DPP6: variants seen among roughly 807,000 people sequenced by gnomAD.
DPP6 encodes the protein dipeptidyl peptidase like 6.
Under a neutral mutation model 122.6 loss-of-function variants are expected in DPP6, and 69 were observed. The ratio of observed to expected loss-of-function variants is 0.56; its 90% confidence interval spans 0.46 to 0.69. DPP6 has a LOEUF of 0.69. Among genes scored for constraint, DPP6 ranks in the 30% least tolerant of loss-of-function variants. The pLI, the probability that DPP6 is intolerant of heterozygous loss-of-function variation, is 0.00. For missense variants in DPP6, 928 were observed against 1,116.9 expected, an observed-to-expected ratio of 0.83 and a Z score of 2.41; for synonymous variants, 418 against 433.1, an observed-to-expected ratio of 0.97 and a Z score of 0.43.
At chr7:154,623,542 A>G (rs9642626) in intron 5 of DPP6, among the ~76,000 whole-genome samples, 1 of 151,642 alleles carries the variant, frequency 6.6e-6, no homozygotes, top group African/African-American at 2.4e-5. Context: ...TTACAAACAC[A>G]CACACACGCA....
At chr7:153,825,089 C>T in the DPP6 span, among the ~76,000 whole-genome samples, 7 of 152,074 alleles carry the variant, frequency 4.6e-5, no homozygotes, top group African/African-American at 1.7e-4. Context: ...TGTGACACCC[C>T]ATCTGTTTCT....
chr7:154,289,884 A>G (rs186416646), intron 1 of DPP6, among the ~76,000 whole-genome samples: 31 of 152,304 alleles, frequency 2.0e-4, no homozygotes, highest in Admixed American at 2.0e-3. Context: ...GTCTCATCCC[A>G]TGAGCCAGGG....
chr7:154,267,731 ATG>A (rs1418701838), intron 1 of DPP6, among the ~76,000 whole-genome samples: 15 of 105,668 alleles, frequency 1.4e-4, no homozygotes, highest in Admixed American at 2.1e-4. Context: ...ATACATATAT[ATG>A]TGTGTGTATA....
intron 1 of DPP6, among the ~76,000 whole-genome samples, chr7:154,263,003 T>C (rs1032217744): frequency 6.6e-6 from 1 of 152,188 alleles, no homozygotes; most frequent in Admixed American, 6.5e-5. Context: ...AAAGGAAATA[T>C]AGCTAGGAAT....
chr7:154,883,639 C>G (rs1204650867), intron 21 of DPP6: 1 of 147,796 alleles, frequency 6.8e-6, no homozygotes, highest in African/African-American at 2.5e-5. Context: ...CACACATGCT[C>G]ATACACGTTT....
At chr7:154,589,213 G>A (rs2130719342) in intron 5 of DPP6, among the ~76,000 whole-genome samples, 1 of 152,244 alleles carries the variant, frequency 6.6e-6, no homozygotes, top group East Asian at 1.9e-4. Context: ...TTTTTCATGT[G>A]CTGATTTTAA....
At chr7:154,665,318 G>T (rs58938818) in intron 6 of DPP6, among the ~76,000 whole-genome samples, 4,885 of 152,154 alleles carry the variant, frequency 0.032, 253 homozygotes, top group African/African-American at 0.11. Flanking sequence ...TAAATTTGAT[G>T]ATTTGATTTA....
chr7:154,752,374 G>A (rs550516763), intron 8 of DPP6, among the ~76,000 whole-genome samples: 286 of 152,260 alleles, frequency 1.9e-3, no homozygotes, highest in African/African-American at 6.2e-3. Context: ...AGGACCATGG[G>A]CTGTGACTGG....
chr7:153,890,048 TC>T (rs1343404034), intron 1 of DPP6, among the ~76,000 whole-genome samples: 1 of 152,232 alleles, frequency 6.6e-6, no homozygotes, highest in Non-Finnish European at 1.5e-5. Flanking sequence ...ACTGGCAAAT[TC>T]TTTGCACTCA....
chr7:154,383,415 C>T (rs369888475), intron 1 of DPP6, among the ~76,000 whole-genome samples: 3 of 152,126 alleles, frequency 2.0e-5, no homozygotes, highest in Non-Finnish European at 2.9e-5. Flanking sequence ...GAGTTCGCAT[C>T]GATTTGCAAA....
At chr7:154,470,535 T>C (rs1009995269) in intron 2 of DPP6, among the ~76,000 whole-genome samples, 4 of 152,220 alleles carry the variant, frequency 2.6e-5, no homozygotes, top group African/African-American at 9.7e-5. Flanking sequence ...AGTTTTCTGG[T>C]ATTTAAAATA....
chr7:154,692,475 C>T (rs964348568), intron 7 of DPP6, among the ~76,000 whole-genome samples: 5 of 152,186 alleles, frequency 3.3e-5, no homozygotes, highest in African/African-American at 1.2e-4. Flanking sequence ...TTTCCTTCCT[C>T]ATGTGAGAAC....
chr7:154,531,449 G>T (rs2130119482), intron 3 of DPP6, among the ~76,000 whole-genome samples: 1 of 152,110 alleles, frequency 6.6e-6, no homozygotes, highest in East Asian at 1.9e-4. Context: ...TATTCTTCAA[G>T]AATAAAGGTT....
intron 1 of DPP6, among the ~76,000 whole-genome samples, chr7:154,443,507 C>CATGGATGGATGG (rs67554140): frequency 1.4e-5 from 2 of 146,366 alleles, no homozygotes; most frequent in East Asian, 4.1e-4. Context: ...TTGACAGATA[C>CATGGATGGATGG]ATGGATGGAT....
chr7:154,794,024 C>A, intron 10 of DPP6, 55 bp from the exon 11 acceptor site: 1 of 1,584,830 alleles, frequency 6.3e-7, no homozygotes, highest in Non-Finnish European at 8.6e-7. Flanking sequence ...GGTCCCCTGG[C>A]TTCTGTCGTG....
At chr7:154,174,860 C>A (rs1797715061) in intron 1 of DPP6, among the ~76,000 whole-genome samples, 1 of 150,798 alleles carries the variant, frequency 6.6e-6, no homozygotes, top group Non-Finnish European at 1.5e-5. Flanking sequence ...CTTCACAGCC[C>A]AATTTCTTTC....
intron 1 of DPP6, chr7:154,305,462 C>T (rs1333720079): frequency 6.4e-7 from 1 of 1,571,942 alleles, no homozygotes; most frequent in East Asian, 2.3e-5. Context: ...CAGACCCCAC[C>T]TGCCCCGGTG....
the DPP6 span, among the ~76,000 whole-genome samples, chr7:153,863,366 G>A: frequency 6.6e-6 from 1 of 152,100 alleles, no homozygotes; most frequent in Admixed American, 6.6e-5. Flanking sequence ...CCAAGTCTTT[G>A]CTGTTGTGAA....
intron 1 of DPP6, among the ~76,000 whole-genome samples, chr7:154,004,009 C>T (rs1316403369): frequency 6.6e-6 from 1 of 152,152 alleles, no homozygotes; most frequent in African/African-American, 2.4e-5. Flanking sequence ...GCCGTTAGTG[C>T]AATTAACATG....
Sources: gnomAD v4.1 joint callset for allele counts (sites outside exome capture counted in the v4.1 genomes callset) on GRCh38, gnomAD v4.1.1 for gene constraint, MANE v1.5 for transcripts, NCBI Gene and HGNC (gene_info 2026-07-23, HGNC 2026-07-21) for gene names.